Variants in TCF7 observed in about 807,000 individuals in gnomAD.
TCF7 encodes the protein transcription factor 7.
Under a neutral mutation model 46.8 loss-of-function variants are expected in TCF7, and 19 were observed. The observed-to-expected ratio is 0.41, with a 90% confidence interval of 0.28 to 0.60. The LOEUF (loss-of-function observed/expected upper bound fraction) is 0.60. Among genes scored for constraint, TCF7 ranks in the 20% least tolerant of loss-of-function variants. TCF7 has a pLI of 0.35. For synonymous variants in TCF7, 245 were observed against 213.4 expected (o/e 1.15, Z -1.29); for missense variants, 547 against 504.6 (o/e 1.08, Z -0.81).
At chr5:134,136,145 A>G (rs1758831172) in intron 3 of TCF7, among the ~76,000 whole-genome samples, 2 of 152,092 alleles carry the variant, frequency 1.3e-5, no homozygotes. Context: ...AGGGAGTGAG[A>G]CAGGAGGTGG....
At chr5:134,127,456 T>C (rs910733928) in intron 3 of TCF7, among the ~76,000 whole-genome samples, 5 of 152,252 alleles carry the variant, frequency 3.3e-5, no homozygotes, top group African/African-American at 1.2e-4. Flanking sequence ...GATCACTTCC[T>C]CTTTCTAGTG....
At chr5:134,121,618 T>C (rs1756596070) in intron 3 of TCF7, among the ~76,000 whole-genome samples, 1 of 150,520 alleles carries the variant, frequency 6.6e-6, no homozygotes, top group African/African-American at 2.4e-5. Flanking sequence ...AAAACCCTCA[T>C]GGCCATCAGC....
upstream of TCF7, among the ~76,000 whole-genome samples, chr5:134,114,169 C>G (rs914308529): frequency 1.3e-5 from 2 of 152,158 alleles, no homozygotes; most frequent in African/African-American, 4.8e-5. Context: ...AGAAGGAAGT[C>G]CCTGATTGGC....
At chr5:134,118,502 GCTA>G (rs1355607351) in intron 3 of TCF7, among the ~76,000 whole-genome samples, 3 of 152,192 alleles carry the variant, frequency 2.0e-5, no homozygotes, top group African/African-American at 7.2e-5. Context: ...TGCCCATGTG[GCTA>G]CTGTGTTAGA....
intron 5 of TCF7, chr5:134,140,663 C>G (rs1759608926): frequency 1.6e-5 from 6 of 373,820 alleles, no homozygotes; most frequent in Non-Finnish European, 3.2e-5. Context: ...CCTCTGGTGG[C>G]AGATGCTTGA....
upstream of TCF7, among the ~76,000 whole-genome samples, chr5:134,110,814 CAG>C (rs1203940932): frequency 6.6e-6 from 1 of 152,200 alleles, no homozygotes; most frequent in African/African-American, 2.4e-5. Context: ...CAGAAAAGGT[CAG>C]AGTTCACGTG....
intron 3 of TCF7, among the ~76,000 whole-genome samples, chr5:134,116,845 C>G (rs1335395443): frequency 6.6e-6 from 1 of 152,222 alleles, no homozygotes; most frequent in Non-Finnish European, 1.5e-5. Flanking sequence ...TCACACTCTC[C>G]TCAGTTGGTC....
At chr5:134,138,903 G>T (rs755492591) in intron 4 of TCF7, 48 bp from the exon 5 acceptor site, 2 of 1,608,474 alleles carry the variant, frequency 1.2e-6, no homozygotes, top group South Asian at 2.2e-5. Context: ...TGCTGATATG[G>T]CCTGCCAGGT....
At chr5:134,137,748 A>G (rs964664332) in intron 3 of TCF7, 15 of 240,812 alleles carry the variant, frequency 6.2e-5, no homozygotes, top group Non-Finnish European at 1.0e-4. Context: ...GCTATAAGCA[A>G]CCTCCCAGAC....
At chr5:134,123,933 C>T (rs1483465971) in intron 3 of TCF7, among the ~76,000 whole-genome samples, 1 of 152,064 alleles carries the variant, frequency 6.6e-6, no homozygotes, top group African/African-American at 2.4e-5. Context: ...GGGTGTTGGG[C>T]AGTGCAAGGC....
At chr5:134,143,195 G>A in intron 8 of TCF7, 95 bp downstream of exon 8, 3 of 1,351,886 alleles carry the variant, frequency 2.2e-6, no homozygotes, top group Non-Finnish European at 3.1e-6. Context: ...CAGAACTACT[G>A]TCCTGAAGGC....
intron 3 of TCF7, among the ~76,000 whole-genome samples, chr5:134,136,015 T>G (rs1758810191): frequency 6.6e-6 from 1 of 152,194 alleles, no homozygotes; most frequent in African/African-American, 2.4e-5. Flanking sequence ...CACTGGGACT[T>G]TGACAAGAGT....
Position 134,114,740 on chromosome 5 carries a change from G to A in TCF7, c.-167G>A. The stretch of plus-strand genomic sequence containing the variant: ...CCAGCTCGCGGAGCCGCTCTGCCCC[G>A]CGCCCTAGCCCGCGCCTGCAGCCCG... On this transcript the variant is annotated 5_prime_UTR_variant, in exon 1 of 10. Transcript: ENST00000342854. The A allele has an allele frequency of 3.2e-6, 2 of 625,824 alleles. No homozygotes were observed. Among genetic ancestry groups the A allele is most frequent in the Non-Finnish European group, 2.0e-6 (1 of 509,174 alleles). The allele number at this position is 625,824 out of a possible 1,614,324, so 38.8% of individuals were successfully genotyped here. A position where few individuals can be genotyped will look rare whatever the true frequency, so the allele number is the denominator to read the frequency against.
intron 2 of TCF7, 69 bp downstream of exon 2, chr5:134,115,456 C>A: frequency 6.5e-7 from 1 of 1,534,728 alleles, no homozygotes; most frequent in Non-Finnish European, 8.8e-7. Flanking sequence ...ACGGGGACGC[C>A]AAGGACCGCG....
In TCF7 at chr5:134,143,068, C is replaced by T; in HGVS notation, c.994C>T (p.Leu332=). 1 of 1,610,398 alleles carries T rather than the reference C, an allele frequency of 6.2e-7. No homozygotes were observed. Among genetic ancestry groups the T allele is most frequent in the Non-Finnish European group, 8.5e-7 (1 of 1,178,392 alleles). ...CAAGGAGAGGCAGCTGCACATGCAG[C>T]TATACCCAGGCTGGTCAGCGCGGGA... ...ARKERQLHMQ[L]YPGWSARDNY... The change falls in exon 8 of 10, where the codon CTA becomes TTA. Residue 332 remains leucine, a synonymous_variant. Transcript: ENST00000342854.
rs996630244 is a variant in TCF7 at position 134,146,504 on chromosome 5, C to G, written c.*201C>G. ...CACACAGGTACAGCAACAGGAATCT[C>G]AGAGACAGGTGGCCTAGCAGGCACA... On this transcript the variant is annotated 3_prime_UTR_variant, in exon 10 of 10. Coordinates refer to ENST00000342854, the MANE Select transcript of TCF7 (RefSeq NM_003202.5). 2 of 740,576 alleles carry G rather than the reference C, an allele frequency of 2.7e-6. No homozygotes were observed. Among genetic ancestry groups the G allele is most frequent in the Admixed American group, 2.0e-5 (1 of 50,030 alleles). 45.9% of individuals were successfully genotyped at this position (740,576 alleles called of 1,614,324 possible). A position where few individuals can be genotyped will look rare whatever the true frequency, so the allele number is the denominator to read the frequency against.
At position 134,143,110 on chromosome 5, in the gene TCF7, T is replaced by C. The variant is rs1330600490; in HGVS notation, c.1026+10T>C. On this transcript the variant is annotated intron_variant, in intron 8 of 9. Transcript: ENST00000342854. ...AGCGCGGGACAACTACGTGAGTGCC[T>C]AGTGACACACAGCAGGGGTGGGCAG... 4 of 1,595,516 alleles carry C rather than the reference T, an allele frequency of 2.5e-6. No individual in the cohort carries two copies. In the East Asian group the frequency reaches 9.1e-5, roughly 36 times the overall value.
chr5:134,143,881 GTGCGTTCCTC>G, intron 9 of TCF7: 2 of 535,100 alleles, frequency 3.7e-6, no homozygotes, highest in Non-Finnish European at 3.4e-6. Flanking sequence ...GGAGTAGATG[GTGCGTTCCTC>G]TGCCTTGCAC....
At chr5:134,145,350 T>A (rs1273753880) in intron 9 of TCF7, 2 of 543,286 alleles carry the variant, frequency 3.7e-6, no homozygotes, top group African/African-American at 3.8e-5. Flanking sequence ...GGTAGCCTTA[T>A]GACTTGCTAT....
Sources: allele counts gnomAD v4.1 joint callset (sites outside exome capture counted in the v4.1 genomes callset), GRCh38; gene constraint gnomAD v4.1.1; transcripts MANE v1.5; gene names NCBI Gene and HGNC (gene_info 2026-07-23, HGNC 2026-07-21).